Variants in RYR3 observed in about 807,000 individuals in gnomAD.
RYR3 encodes the protein ryanodine receptor 3.
A neutral mutation model predicts 584.3 loss-of-function variants in RYR3; 207 were observed. The observed-to-expected ratio is 0.35, with a 90% confidence interval of 0.32 to 0.40. RYR3 has a LOEUF of 0.40. Ranked by LOEUF, RYR3 falls within the 10% of genes least tolerant of loss-of-function variation. The pLI, the probability that RYR3 is intolerant of heterozygous loss-of-function variation, is 1.00. For synonymous variants in RYR3, 2,416 were observed against 2,248.5 expected, an observed-to-expected ratio of 1.07 and a Z score of -2.11; for missense variants, 5,616 against 6,089.2, an observed-to-expected ratio of 0.92 and a Z score of 2.59.
intron 18 of RYR3, 115 bp downstream of exon 18, chr15:33,603,479 A>G (rs2152556028): frequency 1.8e-6 from 2 of 1,113,706 alleles, no homozygotes; most frequent in Admixed American, 2.4e-5. Flanking sequence ...AAGAGTCTCA[A>G]CTAATTAAAC....
intron 10 of RYR3, among the ~76,000 whole-genome samples, chr15:33,561,596 T>C (rs1314423811): frequency 6.6e-6 from 1 of 152,156 alleles, no homozygotes; most frequent in Non-Finnish European, 1.5e-5. Flanking sequence ...GCAATACATA[T>C]GCTGCTATTT....
intron 65 of RYR3, among the ~76,000 whole-genome samples, chr15:33,781,405 T>C (rs2152902543): frequency 6.6e-6 from 1 of 152,372 alleles, no homozygotes; most frequent in South Asian, 2.1e-4. Flanking sequence ...AAAATATTGC[T>C]ATACACTACC....
At chr15:33,435,105 C>T (rs2045547557) in intron 1 of RYR3, among the ~76,000 whole-genome samples, 1 of 152,148 alleles carries the variant, frequency 6.6e-6, no homozygotes, top group Non-Finnish European at 1.5e-5. Flanking sequence ...CAGGCGTGAG[C>T]CACCGTGCCC....
chr15:33,355,713 T>C (rs1973879040), intron 1 of RYR3, among the ~76,000 whole-genome samples: 1 of 152,202 alleles, frequency 6.6e-6, no homozygotes, highest in African/African-American at 2.4e-5. Flanking sequence ...AGGCCCTTTG[T>C]CACTTGGGCC....
intron 93 of RYR3, among the ~76,000 whole-genome samples, chr15:33,846,643 A>G (rs1403560493): frequency 6.6e-6 from 1 of 152,174 alleles, no homozygotes; most frequent in Non-Finnish European, 1.5e-5. Flanking sequence ...TAGGAAGTCC[A>G]GCTACTGTGC....
At chr15:33,747,537 G>T (rs781479926) in intron 53 of RYR3, among the ~76,000 whole-genome samples, 3 of 143,364 alleles carry the variant, frequency 2.1e-5, no homozygotes, top group Non-Finnish European at 4.5e-5. Context: ...CAATTCTTTT[G>T]CCTTAGCCTC....
intron 66 of RYR3, 83 bp downstream of exon 66, chr15:33,786,065 A>C: frequency 8.3e-7 from 1 of 1,208,192 alleles, no homozygotes; most frequent in South Asian, 1.6e-5. Context: ...TAATTCCAAG[A>C]TGGTTTTGCA....
intron 87 of RYR3, among the ~76,000 whole-genome samples, chr15:33,835,627 C>T (rs758006544): frequency 2.0e-5 from 3 of 152,138 alleles, no homozygotes; most frequent in African/African-American, 7.2e-5. Flanking sequence ...ATGAGGGAGA[C>T]CTTCAGGAGG....
At chr15:33,531,830 G>T (rs1371487592) in intron 4 of RYR3, among the ~76,000 whole-genome samples, 1 of 151,954 alleles carries the variant, frequency 6.6e-6, no homozygotes, top group Non-Finnish European at 1.5e-5. Context: ...AATTGAGAAG[G>T]TGATACTATC....
chr15:33,588,531 T>C (rs1180882597), intron 16 of RYR3, among the ~76,000 whole-genome samples: 3 of 152,306 alleles, frequency 2.0e-5, no homozygotes, highest in Admixed American at 2.0e-4. Flanking sequence ...GTAGTGCTGA[T>C]GTCTGGGTTT....
At chr15:33,320,537 T>C (rs1419071260) in intron 1 of RYR3, among the ~76,000 whole-genome samples, 1 of 152,204 alleles carries the variant, frequency 6.6e-6, no homozygotes, top group Non-Finnish European at 1.5e-5. Context: ...CAGACTTACT[T>C]TGAGGTAGCA....
chr15:33,414,821 T>G (rs148125018), intron 1 of RYR3, among the ~76,000 whole-genome samples: 3,046 of 152,252 alleles, frequency 0.02, 90 homozygotes, highest in African/African-American at 0.063. Flanking sequence ...CTTGATCTCC[T>G]GGCCTCGTGA....
chr15:33,386,133 G>A (rs918323476), intron 1 of RYR3, among the ~76,000 whole-genome samples: 1 of 152,128 alleles, frequency 6.6e-6, no homozygotes. Flanking sequence ...TTTGTCTTAA[G>A]GTGGTAGCAT....
In RYR3 at chr15:33,835,708, G is replaced by A. The variant is rs148698438; in HGVS notation, c.11568+636G>A. ...ATGTGTATCTAAAATTTTCAAGGCT[G>A]TCACATCTGCCTCCTCTCTTCTGGA... On this transcript the variant is annotated intron_variant, in intron 87 of 103. Transcript: ENST00000634891. 1.1e-3 allele frequency among the ~76,000 whole-genome samples: 163 copies of A among 152,340 alleles called. 1 individual carries two copies. Among genetic ancestry groups the A allele is most frequent in the African/African-American group, 3.8e-3 (157 of 41,568 alleles).
At chr15:33,485,488 C>T (rs142917112) in intron 2 of RYR3, among the ~76,000 whole-genome samples, 16 of 152,076 alleles carry the variant, frequency 1.1e-4, no homozygotes, top group Admixed American at 5.9e-4. Context: ...ATTGCCGATA[C>T]AGTGGAAAGG....
intron 71 of RYR3, 29 bp from the exon 72 acceptor site, chr15:33,810,949 G>A (rs1272559872): frequency 6.3e-7 from 1 of 1,585,180 alleles, no homozygotes; most frequent in African/African-American, 1.3e-5. Context: ...GTGATCTCCG[G>A]GAATAAAATC....
intron 1 of RYR3, among the ~76,000 whole-genome samples, chr15:33,435,489 C>T (rs2045610271): frequency 6.6e-6 from 1 of 152,114 alleles, no homozygotes; most frequent in African/African-American, 2.4e-5. Context: ...TATTTCACAT[C>T]CTACTGTAAT....
chr15:33,493,417 A>G (rs779737383), intron 2 of RYR3, among the ~76,000 whole-genome samples: 6 of 152,208 alleles, frequency 3.9e-5, no homozygotes, highest in Non-Finnish European at 8.8e-5. Context: ...TTACGTTCCC[A>G]TTAAGTTTCC....
intron 2 of RYR3, among the ~76,000 whole-genome samples, chr15:33,476,906 G>A (rs539417835): frequency 5.9e-5 from 9 of 152,296 alleles, no homozygotes; most frequent in African/African-American, 2.2e-4. Flanking sequence ...TCTGCTAGAG[G>A]AACTTGGGTT....
Sources: gnomAD v4.1 joint callset for allele counts (sites outside exome capture counted in the v4.1 genomes callset) on GRCh38, gnomAD v4.1.1 for gene constraint, MANE v1.5 for transcripts, NCBI Gene and HGNC (gene_info 2026-07-23, HGNC 2026-07-21) for gene names.